Variants in STAT3 observed in about 807,000 individuals in gnomAD.
The protein encoded by STAT3 is DNA-binding protein APRF.
In STAT3, 7 loss-of-function variants were observed where a neutral mutation model predicts 114.3. The ratio of observed to expected loss-of-function variants is 0.06; its 90% confidence interval spans 0.03 to 0.11. The LOEUF is 0.11. STAT3 is among the 10% of genes least tolerant of loss of function. The pLI is 1.00. For synonymous variants in STAT3, 331 were observed against 354.5 expected (o/e 0.93, Z 0.74); for missense variants, 364 against 960.9 (o/e 0.38, Z 8.21).
intron 1 of STAT3, among the ~76,000 whole-genome samples, chr17:42,375,163 G>T (rs1390764324): frequency 6.6e-6 from 1 of 152,144 alleles, no homozygotes; most frequent in Non-Finnish European, 1.5e-5. Flanking sequence ...AGAATAAAAA[G>T]AAATCTCTAA....
At chr17:42,326,523 T>A (rs1333540218) in intron 14 of STAT3, among the ~76,000 whole-genome samples, 1 of 141,446 alleles carries the variant, frequency 7.1e-6, no homozygotes, top group Non-Finnish European at 1.5e-5. Context: ...AAAATTAAAT[T>A]AAATAAAAAA....
intron 3 of STAT3, among the ~76,000 whole-genome samples, 168 bp from the exon 4 acceptor site, chr17:42,345,825 G>A (rs1017946092): frequency 5.3e-5 from 8 of 151,400 alleles, no homozygotes; most frequent in African/African-American, 9.7e-5. Flanking sequence ...GGCGGGGGGC[G>A]AAGGGGAGGT....
chr17:42,328,164 C>T (rs551467838), intron 14 of STAT3, among the ~76,000 whole-genome samples: 1 of 151,904 alleles, frequency 6.6e-6, no homozygotes, highest in African/African-American at 2.4e-5. Flanking sequence ...CCATGGATAC[C>T]AACAGCAGCA....
chr17:42,367,339 C>CAA (rs770105081), intron 1 of STAT3, among the ~76,000 whole-genome samples: 6 of 119,574 alleles, frequency 5.0e-5, no homozygotes, highest in African/African-American at 6.1e-5. Flanking sequence ...ATTTTGTCTC[C>CAA]AAAAAAAAAA....
At position 42,384,128 on chromosome 17, in the gene STAT3, A is replaced by ATT. The variant is rs201020826; in HGVS notation, c.-24+4149_-24+4150dup. On this transcript the variant is annotated intron_variant, in intron 1 of 23. Transcript: ENST00000264657. ...CAAAGTTTTATTTATTTATTTATTTATTTATTTTTTTTTTTTTTGAGACGG... is the reference window on the plus strand; with the variant it reads ...CAAAGTTTTATTTATTTATTTATTTATTTTTATTTTTTTTTTTTTTGAGACGG... Among the ~76,000 whole-genome samples the ATT allele has an allele frequency of 3.5e-3, 299 of 86,354 alleles. 2 individuals are homozygous for ATT. The highest frequency in any genetic ancestry group is 0.03 in the South Asian group (68 of 2,246). 56.7% of individuals were successfully genotyped at this position (86,354 alleles called of 152,430 possible).
chr17:42,327,692 A>G (rs1567712338), intron 14 of STAT3, among the ~76,000 whole-genome samples: 1 of 152,234 alleles, frequency 6.6e-6, no homozygotes, highest in Non-Finnish European at 1.5e-5. Flanking sequence ...ACTGACTACA[A>G]CAATGTCTCA....
rs761356245 is a variant in STAT3 at position 42,329,711 on chromosome 17, A to C, written c.1139+36T>G. On this transcript the variant is annotated intron_variant, in intron 12 of 23. Coordinates refer to ENST00000264657, the MANE Select transcript of STAT3 (RefSeq NM_139276.3). ...AGTAGCCGGAGGATGAAGTTAGGTT[A>C]AACGGAACAAAAGGAAGCCTCTAGG... 4.5e-5 allele frequency: 73 copies of C among 1,614,118 alleles called. 1 individual carries two copies. The Middle Eastern group carries it at 4.9e-4, about 11-fold the overall frequency.
At chr17:42,352,698 A>G (rs1189928332) in intron 1 of STAT3, among the ~76,000 whole-genome samples, 1 of 152,016 alleles carries the variant, frequency 6.6e-6, no homozygotes, top group Non-Finnish European at 1.5e-5. Context: ...AAGCATCATG[A>G]CCTGACTTAT....
Position 42,357,155 on chromosome 17 carries a change from C to G in STAT3, c.-23-8616G>C, listed in dbSNP as rs140483477. 4.3e-3 allele frequency among the ~76,000 whole-genome samples: 662 copies of G among 152,238 alleles called. 6 individuals carry two copies. The highest frequency in any genetic ancestry group is 0.015 in the African/African-American group (628 of 41,548). ...GTTTCTATTGGTGTTTTCAATACAA[C>G]CCTGCTAATCCCACTGAGGGCCACA... On this transcript the variant is annotated intron_variant, in intron 1 of 23. Transcript: ENST00000264657.
intron 10 of STAT3, among the ~76,000 whole-genome samples, chr17:42,332,749 A>G (rs1244618133): frequency 1.3e-5 from 2 of 152,010 alleles, no homozygotes; most frequent in African/African-American, 4.8e-5. Context: ...CTAAGGCAGG[A>G]GAATCGCTTG....
chr17:42,345,301 C>T, intron 4 of STAT3: 1 of 437,170 alleles, frequency 2.3e-6, no homozygotes, highest in Non-Finnish European at 4.0e-6. Flanking sequence ...GAAAATTTGT[C>T]AGAACAAAAC....
chr17:42,345,765 T>C (rs1284667400), intron 3 of STAT3, 108 bp from the exon 4 acceptor site: 1 of 1,123,258 alleles, frequency 8.9e-7, no homozygotes, highest in Non-Finnish European at 1.3e-6. Context: ...GCATTTATTC[T>C]AGGAAACAAC....
At chr17:42,387,313 C>G (rs1300132374) in intron 1 of STAT3, 1 of 152,210 alleles carries the variant, frequency 6.6e-6, no homozygotes, top group Non-Finnish European at 1.5e-5. Context: ...CCACACCCCC[C>G]AAATGCATGT....
In STAT3 at chr17:42,331,448, C is replaced by A. The variant is rs17880900; in HGVS notation, c.1109+24G>T. 0.014 allele frequency: 22,164 copies of A among 1,596,526 alleles called. 2,621 individuals carry two copies. The African/African-American group carries it at 0.26, about 19-fold the overall frequency. On this transcript the variant is annotated intron_variant, in intron 11 of 23. Transcript: ENST00000264657. Reference sequence around the variant, plus strand: ...ATTTTTCTATTCCTCATTTGAAAAACAGAGCTAAGATAGGAGTACTTACTT... The same window carrying A: ...ATTTTTCTATTCCTCATTTGAAAAAAAGAGCTAAGATAGGAGTACTTACTT...
intron 4 of STAT3, among the ~76,000 whole-genome samples, chr17:42,340,170 C>T (rs182913344): frequency 5.9e-5 from 9 of 151,852 alleles, no homozygotes; most frequent in East Asian, 3.9e-4. Context: ...CCAGCCTGAC[C>T]GACACGGAGA....
intron 1 of STAT3, among the ~76,000 whole-genome samples, chr17:42,379,500 A>T (rs2084657726): frequency 6.6e-6 from 1 of 152,346 alleles, no homozygotes; most frequent in South Asian, 2.1e-4. Context: ...CATTTAATTC[A>T]GCTGAGTAAT....
intron 14 of STAT3, among the ~76,000 whole-genome samples, chr17:42,328,908 A>G (rs751995674): frequency 2.0e-5 from 3 of 152,192 alleles, no homozygotes; most frequent in Non-Finnish European, 4.4e-5. Flanking sequence ...AAAGAACAAG[A>G]TGGGTTTTTG....
Position 42,323,591 on chromosome 17 carries a change from T to C in STAT3, c.1635A>G (p.Thr545=), listed in dbSNP as rs1006536445. The change falls in exon 18 of 24, where the codon ACA becomes ACG. Residue 545 remains threonine (T), a synonymous_variant. Transcript: ENST00000264657. ...PGVNYSGCQI[T]WAKFCKENMA... ...TGCTTACTTTGCAAAATTTAGCCCATGTGATCTGACACCCTGAATAATTCA... is the reference window on the plus strand; with the variant it reads ...TGCTTACTTTGCAAAATTTAGCCCACGTGATCTGACACCCTGAATAATTCA... The C allele has an allele frequency of 1.4e-5, 22 of 1,613,930 alleles. No individual in the cohort carries two copies. Among genetic ancestry groups the C allele is most frequent in the Middle Eastern group, 1.6e-4 (1 of 6,062 alleles).
chr17:42,318,315 T>C (rs1412375967), intron 21 of STAT3, among the ~76,000 whole-genome samples: 7 of 151,856 alleles, frequency 4.6e-5, no homozygotes, highest in Admixed American at 4.6e-4. Context: ...TTAGTAGAGA[T>C]GAGGTTTCAC....
Sources: allele counts gnomAD v4.1 joint callset (sites outside exome capture counted in the v4.1 genomes callset), GRCh38; gene constraint gnomAD v4.1.1; transcripts MANE v1.5; gene names NCBI Gene and HGNC (gene_info 2026-07-23, HGNC 2026-07-21).